Variants in KCNN2 observed in about 807,000 individuals in gnomAD.
KCNN2 encodes small conductance calcium-activated potassium channel protein 2.
A neutral mutation model predicts 55.5 loss-of-function variants in KCNN2; 24 were observed. The observed-to-expected ratio is 0.43, with a 90% CI of 0.31 to 0.61. KCNN2 has a LOEUF of 0.61. Ranked by LOEUF, KCNN2 falls within the 20% of genes least tolerant of loss-of-function variation. The pLI is 0.08. For synonymous variants in KCNN2, 431 were observed against 336.1 expected, an observed-to-expected ratio of 1.28 and a Z score of -3.09; for missense variants, 754 against 853.6, an observed-to-expected ratio of 0.88 and a Z score of 1.45.
chr5:114,152,550 T>C (rs1021576311), intron 1 of KCNN2, among the ~76,000 whole-genome samples: 1 of 152,214 alleles, frequency 6.6e-6, no homozygotes, highest in African/African-American at 2.4e-5. Flanking sequence ...TGTTTTATTG[T>C]ACTCATTCTT....
chr5:114,451,355 A>G (rs1007576436), intron 3 of KCNN2, among the ~76,000 whole-genome samples: 2 of 152,174 alleles, frequency 1.3e-5, no homozygotes, highest in Non-Finnish European at 2.9e-5. Context: ...CTATATCCCA[A>G]GTGTGAATGA....
At chr5:114,234,615 A>G (rs1247306870) in intron 2 of KCNN2, among the ~76,000 whole-genome samples, 3 of 152,198 alleles carry the variant, frequency 2.0e-5, no homozygotes, top group Non-Finnish European at 4.4e-5. Context: ...CCAAAAATAC[A>G]CTGTGCTGCT....
intron 2 of KCNN2, among the ~76,000 whole-genome samples, chr5:114,251,961 C>T (rs1754873016): frequency 6.6e-6 from 1 of 151,080 alleles, no homozygotes; most frequent in South Asian, 2.1e-4. Context: ...TCACTGCAAC[C>T]TCTGCCTCCC....
At chr5:114,404,939 C>T (rs1364180733) in intron 3 of KCNN2, 83 bp downstream of exon 3, 12 of 1,203,240 alleles carry the variant, frequency 1.0e-5, no homozygotes, top group African/African-American at 6.1e-5. Context: ...AGACTTGAGA[C>T]GTGTAGTGTC....
intron 3 of KCNN2, among the ~76,000 whole-genome samples, chr5:114,447,267 G>A (rs1407927411): frequency 2.0e-5 from 3 of 152,148 alleles, no homozygotes; most frequent in African/African-American, 7.2e-5. Flanking sequence ...GGAGAAAGCT[G>A]GTTTTGATCC....
Position 114,127,416 on chromosome 5 carries a change from G to A in KCNN2, c.-271+70916G>A, listed in dbSNP as rs532988757. 3.3e-5 allele frequency among the ~76,000 whole-genome samples: 5 copies of A among 152,320 alleles called. No homozygotes were observed. The East Asian group carries it at 5.8e-4, about 18-fold the overall frequency. ...CCTGCAGGCTCAACAACACGTGGAAGCTTGCACCCTCTGAAGCCATGACTC... is the reference window on the plus strand; with the variant it reads ...CCTGCAGGCTCAACAACACGTGGAAACTTGCACCCTCTGAAGCCATGACTC... On this transcript the variant is annotated intron_variant, in intron 1 of 10. Transcript: ENST00000512097.
chr5:114,365,071 AT>A (rs1212723763), intron 2 of KCNN2, among the ~76,000 whole-genome samples: 9 of 152,248 alleles, frequency 5.9e-5, no homozygotes, highest in Admixed American at 5.9e-4. Context: ...TTAATTTTAA[AT>A]TAGTAATTAG....
intron 3 of KCNN2, among the ~76,000 whole-genome samples, chr5:114,405,519 C>G (rs1259695046): frequency 2.6e-5 from 4 of 152,038 alleles, no homozygotes; most frequent in Non-Finnish European, 5.9e-5. Context: ...TTAACTTTGC[C>G]ATTTAAGAAA....
chr5:114,257,414 G>C (rs954060553), intron 2 of KCNN2, among the ~76,000 whole-genome samples: 1 of 151,830 alleles, frequency 6.6e-6, no homozygotes, highest in Non-Finnish European at 1.5e-5. Context: ...ATTTTGGTAG[G>C]AATCACGTTG....
At chr5:114,235,740 CA>C (rs1483056117) in intron 2 of KCNN2, among the ~76,000 whole-genome samples, 1 of 152,194 alleles carries the variant, frequency 6.6e-6, no homozygotes, top group Non-Finnish European at 1.5e-5. Context: ...AGATACATCA[CA>C]AAAGTCTTCT....
At chr5:114,347,441 G>A (rs1757127321) in intron 2 of KCNN2, among the ~76,000 whole-genome samples, 1 of 152,182 alleles carries the variant, frequency 6.6e-6, no homozygotes. Context: ...TTACTAGGCT[G>A]CGTGCTTTAT....
At chr5:114,239,553 T>C (rs1023569791) in intron 2 of KCNN2, among the ~76,000 whole-genome samples, 11 of 152,228 alleles carry the variant, frequency 7.2e-5, no homozygotes, top group Admixed American at 6.5e-4. Flanking sequence ...CCATTTTGAT[T>C]CACCCTATCT....
At chr5:114,083,305 G>T (rs1580495730) in intron 1 of KCNN2, among the ~76,000 whole-genome samples, 2 of 150,916 alleles carry the variant, frequency 1.3e-5, no homozygotes, top group East Asian at 3.9e-4. Context: ...TGTTTCATTT[G>T]CCCTTCTAGC....
At chr5:114,478,803 C>T (rs1210659514) in intron 5 of KCNN2, among the ~76,000 whole-genome samples, 3 of 152,038 alleles carry the variant, frequency 2.0e-5, no homozygotes, top group South Asian at 2.1e-4. Flanking sequence ...AACTAAGCTT[C>T]GTAAGTGAAG....
At chr5:114,231,531 C>A (rs181124891) in intron 2 of KCNN2, among the ~76,000 whole-genome samples, 17 of 151,022 alleles carry the variant, frequency 1.1e-4, no homozygotes, top group Admixed American at 9.2e-4. Context: ...TTTTAAAGTT[C>A]CTGGGAAAAA....
intron 2 of KCNN2, among the ~76,000 whole-genome samples, chr5:114,292,351 C>G (rs954888371): frequency 1.3e-5 from 2 of 152,130 alleles, no homozygotes; most frequent in Non-Finnish European, 2.9e-5. Context: ...TTTAATCCAT[C>G]TTGAATTAAT....
chr5:114,061,478 A>T (rs1009542396), intron 1 of KCNN2, among the ~76,000 whole-genome samples: 3 of 152,192 alleles, frequency 2.0e-5, no homozygotes, highest in Non-Finnish European at 4.4e-5. Context: ...CATTGAGCAG[A>T]TGCCTCTATA....
At chr5:114,252,635 T>G (rs1754889839) in intron 2 of KCNN2, among the ~76,000 whole-genome samples, 1 of 152,080 alleles carries the variant, frequency 6.6e-6, no homozygotes, top group Non-Finnish European at 1.5e-5. Context: ...TGAAAATCAG[T>G]AGTTTATGGA....
At chr5:114,233,982 A>G (rs1376083008) in intron 2 of KCNN2, among the ~76,000 whole-genome samples, 1 of 148,500 alleles carries the variant, frequency 6.7e-6, no homozygotes, top group African/African-American at 2.5e-5. Flanking sequence ...TAGAATCAAC[A>G]CTTCTTGCTG....
Sources: allele counts gnomAD v4.1 joint callset (sites outside exome capture counted in the v4.1 genomes callset), GRCh38; gene constraint gnomAD v4.1.1; transcripts MANE v1.5; gene names NCBI Gene and HGNC (gene_info 2026-07-23, HGNC 2026-07-21).